WWOX: variants seen among roughly 807,000 people sequenced by gnomAD.
WWOX encodes WW domain-containing oxidoreductase.
In WWOX, 69 loss-of-function variants were observed where a neutral mutation model predicts 46.2. That is an observed-to-expected ratio of 1.49 (90% confidence interval 1.23 to 1.82). The LOEUF (loss-of-function observed/expected upper bound fraction) is 1.82, where lower values mean the gene tolerates loss of function less well. Ranked by LOEUF, WWOX falls within the 40% of genes most tolerant of loss-of-function variation. The pLI is 0.00. For synonymous variants in WWOX, 359 were observed against 202.6 expected, an observed-to-expected ratio of 1.77 and a Z score of -6.56; for missense variants, 919 against 542.6, an observed-to-expected ratio of 1.69 and a Z score of -6.89.
intron 8 of WWOX, among the ~76,000 whole-genome samples, chr16:78,713,781 C>G (rs59317285): frequency 1.3e-5 from 2 of 152,132 alleles, no homozygotes; most frequent in Non-Finnish European, 1.5e-5. Flanking sequence ...GTTGTTTAAG[C>G]CACCTAGTCT....
chr16:78,856,857 C>T (rs2052578657), intron 8 of WWOX, among the ~76,000 whole-genome samples: 3 of 152,246 alleles, frequency 2.0e-5, no homozygotes, highest in Admixed American at 2.0e-4. Context: ...GCCATTTTGT[C>T]ATTGTGCCAC....
In WWOX at chr16:79,179,744, T is replaced by A. The variant is rs2050872614; in HGVS notation, c.1057-31864T>A. Among the ~76,000 whole-genome samples, 3 of 152,222 alleles carry A rather than the reference T, an allele frequency of 2.0e-5. No homozygotes were observed. The South Asian group carries it at 6.2e-4, about 32-fold the overall frequency. ...TCAGTGAATCCAGTAGATGTTTGAA[T>A]GGGAAAGGACTGAAAGATCTCAACC... is the stretch of plus-strand genomic sequence containing the variant. On this transcript the variant is annotated intron_variant, in intron 8 of 8. Transcript: ENST00000566780.
At chr16:79,145,125 A>G (rs2050161407) in intron 8 of WWOX, among the ~76,000 whole-genome samples, 1 of 152,148 alleles carries the variant, frequency 6.6e-6, no homozygotes, top group African/African-American at 2.4e-5. Flanking sequence ...GTATTAATCC[A>G]TTATTTACTA....
chr16:78,949,461 G>A (rs1052250604), intron 8 of WWOX, among the ~76,000 whole-genome samples: 8 of 152,082 alleles, frequency 5.3e-5, no homozygotes, highest in African/African-American at 9.7e-5. Flanking sequence ...GTCCCCTCCC[G>A]TGACACTCAG....
intron 5 of WWOX, among the ~76,000 whole-genome samples, chr16:78,221,247 A>G (rs879202427): frequency 1.3e-5 from 2 of 152,174 alleles, no homozygotes; most frequent in Admixed American, 6.5e-5. Flanking sequence ...TAGGATTTTT[A>G]TATTTTCTAT....
At chr16:78,253,258 C>T (rs1456341976) in intron 5 of WWOX, among the ~76,000 whole-genome samples, 1 of 152,182 alleles carries the variant, frequency 6.6e-6, no homozygotes. Context: ...TCATATAACA[C>T]TTAGCATGTC....
intron 8 of WWOX, among the ~76,000 whole-genome samples, chr16:78,665,274 G>A (rs559628928): frequency 6.6e-6 from 1 of 152,298 alleles, no homozygotes; most frequent in East Asian, 1.9e-4. Flanking sequence ...CATCCTAAGG[G>A]AGTGTAGAGA....
intron 8 of WWOX, among the ~76,000 whole-genome samples, chr16:78,759,319 G>C (rs2049733652): frequency 6.6e-6 from 1 of 152,180 alleles, no homozygotes; most frequent in South Asian, 2.1e-4. Context: ...TCGTAAGTGT[G>C]CACTGTCTGC....
rs866554538 is a variant in WWOX at position 78,477,059 on chromosome 16, C to G, written c.1056+44307C>G. Among the ~76,000 whole-genome samples the G allele has an allele frequency of 2.8e-4, 43 of 152,154 alleles. No individual in the cohort carries two copies. In the Middle Eastern group the frequency reaches 0.027, roughly 96 times the overall value. On this transcript the variant is annotated intron_variant, in intron 8 of 8. Coordinates refer to ENST00000566780, the MANE Select transcript of WWOX (RefSeq NM_016373.4). ...ATACATTTAACACAATCTTGAATTA[C>G]CAGGTGATCATCTTAGGCACTCAAA...
intron 8 of WWOX, among the ~76,000 whole-genome samples, chr16:79,163,774 G>A (rs8048010): frequency 0.48 from 67,395 of 139,108 alleles, 16,206 homozygotes; most frequent in East Asian, 0.75. Flanking sequence ...TCTGGCCTGG[G>A]CAACGAGCAA....
intron 5 of WWOX, among the ~76,000 whole-genome samples, chr16:78,187,509 A>G (rs1309080616): frequency 1.3e-5 from 2 of 152,168 alleles, no homozygotes; most frequent in South Asian, 2.1e-4. Context: ...AGGCTAAGGC[A>G]GGAGAATTGC....
intron 4 of WWOX, among the ~76,000 whole-genome samples, chr16:78,145,033 A>T (rs1185551153): frequency 6.6e-6 from 1 of 152,168 alleles, no homozygotes; most frequent in East Asian, 1.9e-4. Context: ...GAGCTGCTGT[A>T]ACAAAGCACC....
At chr16:78,880,796 A>G (rs906082797) in intron 8 of WWOX, among the ~76,000 whole-genome samples, 1 of 152,140 alleles carries the variant, frequency 6.6e-6, no homozygotes, top group East Asian at 1.9e-4. Context: ...TGGAAAGACA[A>G]TGTGTTTTCC....
intron 8 of WWOX, among the ~76,000 whole-genome samples, chr16:78,631,136 C>G (rs758625218): frequency 6.6e-6 from 1 of 152,170 alleles, no homozygotes; most frequent in East Asian, 1.9e-4. Flanking sequence ...ATGTTAGGGA[C>G]TTGAGCATTT....
chr16:78,527,452 C>T (rs2043503314), intron 8 of WWOX, among the ~76,000 whole-genome samples: 1 of 152,024 alleles, frequency 6.6e-6, no homozygotes, highest in Admixed American at 6.6e-5. Context: ...CACCATCACA[C>T]CTGGCTAATT....
intron 1 of WWOX, among the ~76,000 whole-genome samples, chr16:78,104,674 G>A (rs1240676196): frequency 3.9e-5 from 6 of 152,156 alleles, no homozygotes; most frequent in Non-Finnish European, 7.4e-5. Context: ...ATTTAAAGGA[G>A]AATAGGAGAA....
At chr16:78,933,186 C>G (rs1284443213) in intron 8 of WWOX, among the ~76,000 whole-genome samples, 1 of 152,186 alleles carries the variant, frequency 6.6e-6, no homozygotes, top group Non-Finnish European at 1.5e-5. Flanking sequence ...CGCCTGTAAT[C>G]CCAGCACTTT....
chr16:78,231,641 C>T (rs1259624721), intron 5 of WWOX, among the ~76,000 whole-genome samples: 2 of 152,156 alleles, frequency 1.3e-5, no homozygotes, highest in African/African-American at 4.8e-5. Context: ...ACTTTTGCAT[C>T]ATGATAAATT....
intron 8 of WWOX, among the ~76,000 whole-genome samples, chr16:79,182,700 T>G (rs769002573): frequency 6.6e-5 from 10 of 152,206 alleles, no homozygotes; most frequent in Non-Finnish European, 1.2e-4. Flanking sequence ...TCTTTATGCC[T>G]TTATTTTACT....
Sources: gnomAD v4.1 joint callset for allele counts (sites outside exome capture counted in the v4.1 genomes callset) on GRCh38, gnomAD v4.1.1 for gene constraint, MANE v1.5 for transcripts, NCBI Gene and HGNC (gene_info 2026-07-23, HGNC 2026-07-21) for gene names.